The following XKR4 variants were observed in gnomAD, a reference collection of about 807,000 sequenced individuals.
XKR4 encodes XK related 4.
XKR4 carries 12 observed loss-of-function variants against 53.9 expected under a neutral mutation model. That is an observed-to-expected ratio of 0.22 (90% CI 0.14 to 0.36). The LOEUF (loss-of-function observed/expected upper bound fraction) is 0.36, where lower values mean the gene tolerates loss of function less well. XKR4 is among the 10% of genes least tolerant of loss of function. XKR4 has a pLI of 1.00. For missense variants in XKR4, 799 were observed against 859.5 expected, an observed-to-expected ratio of 0.93 and a Z score of 0.88; for synonymous variants, 354 against 362.4, an observed-to-expected ratio of 0.98 and a Z score of 0.26.
rs112006274 is a variant in XKR4 at position 55,456,408 on chromosome 8, G to A, written c.1007-66873G>A. Among the ~76,000 whole-genome samples the A allele has an allele frequency of 2.9e-3, 437 of 151,838 alleles. 2 individuals carry two copies. The highest frequency in any genetic ancestry group is 1.0e-2 in the African/African-American group (412 of 41,372). On this transcript the variant is annotated intron_variant, in intron 2 of 2. Coordinates refer to ENST00000327381, the MANE Select transcript of XKR4 (RefSeq NM_052898.2). ...GTTGCGCCATTGTACTCCAGCCTGGGCAACAAGAGCGAAACTCTGTCTTGA... is the reference window on the plus strand; with the variant it reads ...GTTGCGCCATTGTACTCCAGCCTGGACAACAAGAGCGAAACTCTGTCTTGA...
chr8:55,255,225 C>T (rs1818420663), intron 1 of XKR4, among the ~76,000 whole-genome samples: 2 of 152,138 alleles, frequency 1.3e-5, no homozygotes, highest in Admixed American at 6.5e-5. Context: ...ATCTGTCAGA[C>T]CTGACTTAGA....
intron 2 of XKR4, among the ~76,000 whole-genome samples, chr8:55,367,230 AT>A (rs1804001988): frequency 6.7e-6 from 1 of 149,986 alleles, no homozygotes; most frequent in African/African-American, 2.5e-5. Context: ...AACATACATT[AT>A]TGTGTGTGTG....
At chr8:55,244,759 G>A (rs1818260120) in intron 1 of XKR4, among the ~76,000 whole-genome samples, 1 of 152,078 alleles carries the variant, frequency 6.6e-6, no homozygotes, top group African/African-American at 2.4e-5. Flanking sequence ...TATCCATTCT[G>A]ACTGATGTGA....
At chr8:55,348,683 GACAA>G (rs1356269614) in intron 1 of XKR4, among the ~76,000 whole-genome samples, 1 of 140,654 alleles carries the variant, frequency 7.1e-6, no homozygotes, top group East Asian at 2.0e-4. Context: ...GAGAGAGACA[GACAA>G]ACATACACAC....
At chr8:55,394,396 A>C (rs1047237464) in intron 2 of XKR4, among the ~76,000 whole-genome samples, 66 of 152,366 alleles carry the variant, frequency 4.3e-4, no homozygotes, top group African/African-American at 1.5e-3. Flanking sequence ...AATAGCTCTC[A>C]TAAGAGCCAA....
chr8:55,270,340 G>A (rs962500420), intron 1 of XKR4, among the ~76,000 whole-genome samples: 2 of 152,060 alleles, frequency 1.3e-5, no homozygotes, highest in African/African-American at 2.4e-5. Context: ...CTGAGGTCTT[G>A]GCTGCTAGTG....
intron 2 of XKR4, chr8:55,449,553 G>A: frequency 6.7e-7 from 1 of 1,486,260 alleles, no homozygotes. Flanking sequence ...ACCCACTGCT[G>A]GGCTGAGGGC....
At chr8:55,289,477 T>C (rs1251864790) in intron 1 of XKR4, among the ~76,000 whole-genome samples, 1 of 146,406 alleles carries the variant, frequency 6.8e-6, no homozygotes, top group Non-Finnish European at 1.5e-5. Context: ...ATAGTGCCAT[T>C]GCCTTCCAGC....
intron 2 of XKR4, among the ~76,000 whole-genome samples, chr8:55,409,148 G>A (rs1804738968): frequency 6.6e-6 from 1 of 152,200 alleles, no homozygotes; most frequent in Admixed American, 6.5e-5. Flanking sequence ...GGTTGCCAAA[G>A]CTGTGAACCA....
At chr8:55,184,956 A>G (rs1817357101) in intron 1 of XKR4, among the ~76,000 whole-genome samples, 1 of 152,226 alleles carries the variant, frequency 6.6e-6, no homozygotes, top group Non-Finnish European at 1.5e-5. Context: ...AATATTCAAT[A>G]GTGAACATGC....
intron 1 of XKR4, among the ~76,000 whole-genome samples, chr8:55,201,759 A>G (rs1434965072): frequency 6.6e-6 from 1 of 152,200 alleles, no homozygotes; most frequent in Non-Finnish European, 1.5e-5. Flanking sequence ...CAATGTTCTG[A>G]TGGCCCTGGA....
At chr8:55,420,246 C>A (rs1331854839) in intron 2 of XKR4, among the ~76,000 whole-genome samples, 1 of 152,082 alleles carries the variant, frequency 6.6e-6, no homozygotes, top group Non-Finnish European at 1.5e-5. Context: ...TAGTCTAGAA[C>A]AACAAAAACA....
In XKR4 at chr8:55,370,783, G is replaced by A. The variant is rs369283361; in HGVS notation, c.1006+12906G>A. ...ATTCCGTCGAGATGCAAAAACAAGCGTGGCAGCATGATGGGGGCAGCACTC... is the reference window on the plus strand; with the variant it reads ...ATTCCGTCGAGATGCAAAAACAAGCATGGCAGCATGATGGGGGCAGCACTC... On this transcript the variant is annotated intron_variant, in intron 2 of 2. Transcript: ENST00000327381. Among the ~76,000 whole-genome samples, 7 of 152,096 alleles carry A rather than the reference G, an allele frequency of 4.6e-5. No individual in the cohort carries two copies. In the East Asian group the frequency reaches 7.7e-4, roughly 17 times the overall value.
chr8:55,321,824 A>C (rs535759995), intron 1 of XKR4, among the ~76,000 whole-genome samples: 11 of 152,178 alleles, frequency 7.2e-5, no homozygotes, highest in Admixed American at 4.6e-4. Context: ...CCCCGTCTCT[A>C]CTAAAAATAC....
At chr8:55,176,304 A>C (rs1817233966) in intron 1 of XKR4, among the ~76,000 whole-genome samples, 1 of 152,230 alleles carries the variant, frequency 6.6e-6, no homozygotes, top group East Asian at 1.9e-4. Context: ...TCCACTTGTC[A>C]CTGAAAGAGT....
In XKR4 at chr8:55,533,163, C is replaced by T. The variant is rs986655701; in HGVS notation, c.*8936C>T. On this transcript the variant is annotated 3_prime_UTR_variant, in exon 3 of 3. Coordinates refer to ENST00000327381, the MANE Select transcript of XKR4 (RefSeq NM_052898.2). ...TTGATCGCACACCAGTAGAACGCATCTTAACACCAGCATTGCCATTGTGAG... is the reference window on the plus strand; with the variant it reads ...TTGATCGCACACCAGTAGAACGCATTTTAACACCAGCATTGCCATTGTGAG... 1.3e-5 allele frequency: 2 copies of T among 152,180 alleles called. No individual in the cohort carries two copies. Among genetic ancestry groups the T allele is most frequent in the Non-Finnish European group, 2.9e-5 (2 of 68,038 alleles). The allele number at this position is 152,180 out of a possible 1,614,324, so 9.4% of individuals were successfully genotyped here.
At chr8:55,449,050 A>T (rs1471069556) in intron 2 of XKR4, among the ~76,000 whole-genome samples, 2 of 151,460 alleles carry the variant, frequency 1.3e-5, no homozygotes, top group Non-Finnish European at 2.9e-5. Context: ...ACTTTTAGTC[A>T]TGGTGGTATT....
At chr8:55,382,711 G>A (rs1585548592) in intron 2 of XKR4, among the ~76,000 whole-genome samples, 1 of 152,254 alleles carries the variant, frequency 6.6e-6, no homozygotes, top group South Asian at 2.1e-4. Flanking sequence ...AGCTTTATCA[G>A]CTTATATTCT....
At chr8:55,364,799 A>C (rs1040002314) in intron 2 of XKR4, among the ~76,000 whole-genome samples, 4 of 151,860 alleles carry the variant, frequency 2.6e-5, no homozygotes, top group African/African-American at 7.3e-5. Context: ...CGCCCGACTA[A>C]TTTTGTATTT....
Sources: gnomAD v4.1 joint callset for allele counts (sites outside exome capture counted in the v4.1 genomes callset) on GRCh38, gnomAD v4.1.1 for gene constraint, MANE v1.5 for transcripts, NCBI Gene and HGNC (gene_info 2026-07-23, HGNC 2026-07-21) for gene names.